Variants in CSGALNACT1 observed in about 807,000 individuals in gnomAD.
CSGALNACT1 encodes beta4GalNAcT-1.
CSGALNACT1 carries 52 observed loss-of-function variants against 51.0 expected under a neutral mutation model. The observed-to-expected ratio is 1.02, with a 90% CI of 0.82 to 1.29. The LOEUF (loss-of-function observed/expected upper bound fraction) is 1.29. Among genes scored for constraint, CSGALNACT1 ranks in the 50% most tolerant of loss-of-function variants. The probability of loss-of-function intolerance (pLI) is 0.00; values close to 1 mark genes in which losing one functional copy is unlikely to be tolerated. For missense variants in CSGALNACT1, 935 were observed against 679.2 expected, an observed-to-expected ratio of 1.38 and a Z score of -4.19; for synonymous variants, 341 against 254.4, an observed-to-expected ratio of 1.34 and a Z score of -3.24.
At chr8:19,474,869 G>GAAAAAAAAAAAAAAAAA (rs10683237) in intron 4 of CSGALNACT1, among the ~76,000 whole-genome samples, 3 of 86,152 alleles carry the variant, frequency 3.5e-5, no homozygotes, top group African/African-American at 9.4e-5. Context: ...CTCTGTCTCA[G>GAAAAAAAAAAAAAAAAA]AAAAAAAAAA....
At chr8:19,615,698 T>A (rs1395173677) in intron 1 of CSGALNACT1, among the ~76,000 whole-genome samples, 1 of 152,208 alleles carries the variant, frequency 6.6e-6, no homozygotes, top group Non-Finnish European at 1.5e-5. Context: ...TCCAATTATA[T>A]GCTGTTTACA....
At chr8:19,505,112 G>T in intron 4 of CSGALNACT1, 89 bp downstream of exon 3, 1 of 1,447,842 alleles carries the variant, frequency 6.9e-7, no homozygotes, top group East Asian at 2.3e-5. Flanking sequence ...AGAGCCAGCT[G>T]CCAGCCTCCT....
chr8:19,586,570 G>A lies in CSGALNACT1; in HGVS notation c.-297+4590C>T, dbSNP rs77564950. 6.3e-3 allele frequency among the ~76,000 whole-genome samples: 964 copies of A among 152,192 alleles called. 17 individuals are homozygous for A. The highest frequency in any genetic ancestry group is 0.022 in the African/African-American group (918 of 41,494). On this transcript the variant is annotated intron_variant, in intron 3 of 9. Transcript: ENST00000454498. ...TCAGAAACTCTGGGGATGGGCTTGA[G>A]CATCTGTAGATTTTTTTAAAGCTCC... is the stretch of plus-strand genomic sequence containing the variant.
In CSGALNACT1 at chr8:19,666,829, GAGAGAA is replaced by G. The variant is rs1339014500; in HGVS notation, c.-544+15638_-544+15643del. ...AAAGAAAGAGAGAGAGAGAGAGAGA[GAGAGAA>G]AGAAAGAAAGAAAGAAAGAAAGAAA... On this transcript the variant is annotated intron_variant, in intron 1 of 9. Coordinates refer to the CSGALNACT1 transcript ENST00000332246. Among the ~76,000 whole-genome samples the G allele has an allele frequency of 2.6e-3, 90 of 34,884 alleles. 3 individuals carry two copies. The highest frequency in any genetic ancestry group is 7.1e-3 in the African/African-American group (49 of 6,932). 22.9% of individuals were successfully genotyped at this position (34,884 alleles called of 152,430 possible). A position where few individuals can be genotyped will look rare whatever the true frequency, so the allele number is the denominator to read the frequency against.
At chr8:19,567,095 A>C (rs1242001120) in intron 3 of CSGALNACT1, among the ~76,000 whole-genome samples, 1 of 152,204 alleles carries the variant, frequency 6.6e-6, no homozygotes, top group Non-Finnish European at 1.5e-5. Flanking sequence ...AGTCACCTTT[A>C]GGGCTAATGG....
chr8:19,690,859 G>T (rs2061271926), intron 1 of CSGALNACT1, among the ~76,000 whole-genome samples: 1 of 152,288 alleles, frequency 6.6e-6, no homozygotes, highest in East Asian at 1.9e-4. Flanking sequence ...TCAGGGATAA[G>T]CAAAAGATTT....
intron 1 of CSGALNACT1, among the ~76,000 whole-genome samples, chr8:19,608,688 G>A (rs1218716801): frequency 6.6e-6 from 1 of 152,128 alleles, no homozygotes; most frequent in African/African-American, 2.4e-5. Flanking sequence ...GTTTTCTCTG[G>A]CTTCTTTACA....
chr8:19,563,097 A>G (rs972105050), intron 3 of CSGALNACT1, among the ~76,000 whole-genome samples: 4 of 152,240 alleles, frequency 2.6e-5, no homozygotes, highest in African/African-American at 7.2e-5. Context: ...CTATGCAGCC[A>G]TAAAAAGAAA....
chr8:19,568,188 A>T (rs950490391), intron 3 of CSGALNACT1, among the ~76,000 whole-genome samples: 1 of 152,222 alleles, frequency 6.6e-6, no homozygotes, highest in Non-Finnish European at 1.5e-5. Flanking sequence ...CAAACATCAT[A>T]TATTGTACTG....
intron 4 of CSGALNACT1, among the ~76,000 whole-genome samples, chr8:19,461,376 G>A: frequency 6.6e-6 from 1 of 151,734 alleles, no homozygotes. Flanking sequence ...CAAATGAGGT[G>A]GGGCTGAGTC....
chr8:19,487,133 C>T (rs572584531), intron 4 of CSGALNACT1, among the ~76,000 whole-genome samples: 2 of 152,228 alleles, frequency 1.3e-5, no homozygotes, highest in Admixed American at 6.5e-5. Context: ...AAGCTGACAA[C>T]TCTAAAGAGC....
chr8:19,736,405 C>T (rs879933611), intron 1 of CSGALNACT1, among the ~76,000 whole-genome samples: 1 of 151,966 alleles, frequency 6.6e-6, no homozygotes, highest in Admixed American at 6.6e-5. Flanking sequence ...AGGATAGTCT[C>T]TCACACACTG....
intron 3 of CSGALNACT1, among the ~76,000 whole-genome samples, chr8:19,563,513 C>A (rs1171678123): frequency 1.3e-5 from 2 of 152,168 alleles, no homozygotes; most frequent in African/African-American, 4.8e-5. Flanking sequence ...TTTACCCACT[C>A]CCACTCTATC....
chr8:19,496,461 T>G (rs2075477639), intron 4 of CSGALNACT1, among the ~76,000 whole-genome samples: 1 of 152,184 alleles, frequency 6.6e-6, no homozygotes, highest in South Asian at 2.1e-4. Context: ...AAGACGTTAT[T>G]CATTTGTAGA....
chr8:19,508,990 A>T (rs1363214148), intron 3 of CSGALNACT1, among the ~76,000 whole-genome samples: 1 of 152,240 alleles, frequency 6.6e-6, no homozygotes, highest in African/African-American at 2.4e-5. Flanking sequence ...AAAAGAAGAA[A>T]AAGTGGAAAA....
At chr8:19,668,864 T>G (rs1323828041) in intron 1 of CSGALNACT1, among the ~76,000 whole-genome samples, 2 of 152,158 alleles carry the variant, frequency 1.3e-5, no homozygotes, top group Non-Finnish European at 2.9e-5. Context: ...GCCAATTTAT[T>G]TAAAATGGGA....
At chr8:19,419,474 T>G (rs1000227964) in intron 7 of CSGALNACT1, among the ~76,000 whole-genome samples, 6 of 152,204 alleles carry the variant, frequency 3.9e-5, no homozygotes, top group Non-Finnish European at 7.3e-5. Flanking sequence ...TTTATCAATT[T>G]ACACAAAAGA....
At chr8:19,651,568 A>G (rs1436417526) in intron 1 of CSGALNACT1, among the ~76,000 whole-genome samples, 1 of 152,176 alleles carries the variant, frequency 6.6e-6, no homozygotes, top group Non-Finnish European at 1.5e-5. Flanking sequence ...CTCCAGCTCC[A>G]TACTTGTTGC....
At chr8:19,610,791 A>C (rs2052139342) in intron 1 of CSGALNACT1, among the ~76,000 whole-genome samples, 1 of 152,258 alleles carries the variant, frequency 6.6e-6, no homozygotes, top group Non-Finnish European at 1.5e-5. Context: ...CCTGTACACC[A>C]AGGCAAGAAA....
Sources: allele counts gnomAD v4.1 joint callset (sites outside exome capture counted in the v4.1 genomes callset), GRCh38; gene constraint gnomAD v4.1.1; transcripts MANE v1.5; gene names NCBI Gene and HGNC (gene_info 2026-07-23, HGNC 2026-07-21).